The following MS4A10 variants were observed in gnomAD, a reference collection of about 807,000 sequenced individuals.
MS4A10 encodes membrane spanning 4-domains A10.
Under a neutral mutation model 27.7 loss-of-function variants are expected in MS4A10, and 27 were observed. That is an observed-to-expected ratio of 0.98 (90% CI 0.72 to 1.35). The LOEUF (loss-of-function observed/expected upper bound fraction) is 1.35, where lower values mean the gene tolerates loss of function less well. Among genes scored for constraint, MS4A10 ranks in the 40% most tolerant of loss-of-function variants. The pLI is 0.00. For missense variants in MS4A10, 338 were observed against 324.7 expected (o/e 1.04, Z -0.32); for synonymous variants, 139 against 131.2 (o/e 1.06, Z -0.41).
At chr11:60,791,349 A>G (rs1387243049) in intron 3 of MS4A10, among the ~76,000 whole-genome samples, 2 of 152,104 alleles carry the variant, frequency 1.3e-5, no homozygotes, top group East Asian at 3.9e-4. Flanking sequence ...CCATAATTGA[A>G]TATGTGCATT....
chr11:60,791,553 A>C (rs1274243146), intron 3 of MS4A10, among the ~76,000 whole-genome samples: 1 of 151,994 alleles, frequency 6.6e-6, no homozygotes, highest in African/African-American at 2.4e-5. Context: ...GGACCAGTGC[A>C]TGCACCATTT....
At chr11:60,789,065 C>T (rs150574987) in intron 1 of MS4A10, among the ~76,000 whole-genome samples, 77 of 152,336 alleles carry the variant, frequency 5.1e-4, no homozygotes, top group Admixed American at 4.7e-3. Flanking sequence ...TCTACCCAAT[C>T]CAGGATATAG....
intron 3 of MS4A10, among the ~76,000 whole-genome samples, chr11:60,791,924 G>A (rs1042424005): frequency 1.3e-5 from 2 of 152,176 alleles, no homozygotes; most frequent in Non-Finnish European, 2.9e-5. Flanking sequence ...AGTCGGGGTG[G>A]AGGGGATAGT....
intron 1 of MS4A10, among the ~76,000 whole-genome samples, chr11:60,786,959 C>T (rs1051815209): frequency 2.0e-5 from 3 of 152,324 alleles, no homozygotes; most frequent in African/African-American, 7.2e-5. Context: ...GGACTTTGCA[C>T]GGAGCACCCA....
chr11:60,791,452 G>A lies in MS4A10; in HGVS notation c.303+359G>A, dbSNP rs114867949. On this transcript the variant is annotated intron_variant, in intron 3 of 7. Coordinates refer to ENST00000308287, the MANE Select transcript of MS4A10 (RefSeq NM_206893.4). ...GCTGCCTCTGGATCCAGCTACAGGT[G>A]CCCTGTTGGGGTTGAGCTACAAAAA... Among the ~76,000 whole-genome samples the A allele has an allele frequency of 6.2e-3, 937 of 152,352 alleles. 16 individuals are homozygous for A. The highest frequency in any genetic ancestry group is 0.021 in the African/African-American group (892 of 41,584).
rs184609398 is a variant in MS4A10, at chr11:60,791,219, C to T, written c.303+126C>T. ...TAATAGGAGTGCGGCAGAAGCGAGGCCCTTTCTCCAGTGTTCCTAGCTCTG... is the reference window on the plus strand; with the variant it reads ...TAATAGGAGTGCGGCAGAAGCGAGGTCCTTTCTCCAGTGTTCCTAGCTCTG... On this transcript the variant is annotated intron_variant, in intron 3 of 7. Transcript: ENST00000308287. The T allele has an allele frequency of 4.5e-5, 57 of 1,253,730 alleles. No individual in the cohort carries two copies. In the East Asian group the frequency reaches 1.1e-3, roughly 25 times the overall value. 77.7% of individuals were successfully genotyped at this position (1,253,730 alleles called of 1,614,324 possible).
intron 6 of MS4A10, among the ~76,000 whole-genome samples, chr11:60,797,208 C>T (rs1349317813): frequency 2.6e-5 from 4 of 152,160 alleles, no homozygotes; most frequent in Non-Finnish European, 5.9e-5. Flanking sequence ...AAAACTGGGG[C>T]CCCATACCTA....
In MS4A10 at chr11:60,799,819, T is replaced by C. The variant is rs1854601899; in HGVS notation, c.723-9T>C. The C allele has an allele frequency of 7.9e-7, 1 of 1,267,060 alleles. No homozygotes were observed. Among genetic ancestry groups the C allele is most frequent in the Non-Finnish European group, 1.1e-6 (1 of 871,840 alleles). 78.5% of individuals were successfully genotyped at this position (1,267,060 alleles called of 1,614,324 possible). A position where few individuals can be genotyped will look rare whatever the true frequency, so the allele number is the denominator to read the frequency against. Reference sequence around the variant, plus strand: ...CTGCTGTTGCTATTAATATCTCCATTTCATGCAGGCTCAGAGAAGTTAAGC... The same window carrying C: ...CTGCTGTTGCTATTAATATCTCCATCTCATGCAGGCTCAGAGAAGTTAAGC... On this transcript the variant is annotated splice_polypyrimidine_tract_variant and intron_variant, in intron 7 of 7. Transcript: ENST00000308287.
At chr11:60,795,720 A>G in intron 6 of MS4A10, 55 bp downstream of exon 6, 1 of 1,152,602 alleles carries the variant, frequency 8.7e-7, no homozygotes, top group South Asian at 1.8e-5. Flanking sequence ...ATGAGGCAGC[A>G]GAGAGCTCAG....
intron 6 of MS4A10, among the ~76,000 whole-genome samples, chr11:60,798,138 G>A (rs1414958475): frequency 1.3e-5 from 2 of 152,236 alleles, no homozygotes; most frequent in East Asian, 3.9e-4. Context: ...TGGTCACCAG[G>A]ACACTGGTAG....
At chr11:60,790,623 T>A in intron 2 of MS4A10, 105 bp downstream of exon 2, 2 of 1,237,684 alleles carry the variant, frequency 1.6e-6, no homozygotes, top group Non-Finnish European at 2.2e-6. Context: ...AGAGAAAGGC[T>A]CCAGCTTTCC....
chr11:60,792,138 G>A, intron 3 of MS4A10, 127 bp from the exon 4 acceptor site: 2 of 735,978 alleles, frequency 2.7e-6, no homozygotes, highest in East Asian at 2.5e-5. Context: ...TTTGCTGGAG[G>A]AATAGTATTC....
chr11:60,799,716 C>T, intron 7 of MS4A10, 112 bp from the exon 8 acceptor site: 2 of 678,246 alleles, frequency 2.9e-6, no homozygotes, highest in Non-Finnish European at 5.5e-6. Context: ...TGAATCTTTA[C>T]TGGGCCACTG....
chr11:60,786,849 A>T (rs1854348262), intron 1 of MS4A10, among the ~76,000 whole-genome samples: 1 of 152,150 alleles, frequency 6.6e-6, no homozygotes, highest in African/African-American at 2.4e-5. Context: ...CCTACCCCCT[A>T]GGGACAGGCA....
chr11:60,797,450 G>A (rs1301726476), intron 6 of MS4A10, among the ~76,000 whole-genome samples: 8 of 152,038 alleles, frequency 5.3e-5, no homozygotes, highest in Non-Finnish European at 8.8e-5. Context: ...CATCCCTTCC[G>A]GGGGCATCAA....
At position 60,790,425 on chromosome 11, in the gene MS4A10, A is replaced by T. The variant is rs766928970; in HGVS notation, c.90A>T (p.Thr30=). ...QVLSPVQPWQ[T]SAPQNTTQPK... is the part of the protein sequence containing the mutation. ...TCAGCCCAGTCCAGCCCTGGCAGACAAGTGCACCCCAGAACACGACCCAGC... is the reference window on the plus strand; with the variant it reads ...TCAGCCCAGTCCAGCCCTGGCAGACTAGTGCACCCCAGAACACGACCCAGC... Residue 30 remains threonine, a synonymous_variant, in exon 2 of 8, where the codon ACA becomes ACT. Transcript: ENST00000308287. 4 of 1,614,074 alleles carry T rather than the reference A, an allele frequency of 2.5e-6. No individual in the cohort carries two copies. The highest frequency in any genetic ancestry group is 3.4e-6 in the Non-Finnish European group (4 of 1,180,038).
intron 7 of MS4A10, among the ~76,000 whole-genome samples, chr11:60,798,967 C>G (rs1397935370): frequency 1.3e-5 from 2 of 152,218 alleles, no homozygotes; most frequent in Admixed American, 1.3e-4. Flanking sequence ...CTTCCCTTGC[C>G]TCAACCTACT....
In MS4A10 at chr11:60,798,449, G is replaced by T. The variant is rs778879291; in HGVS notation, c.657G>T (p.Pro219=). The T allele has an allele frequency of 6.2e-7, 1 of 1,614,124 alleles. No individual in the cohort carries two copies. The highest frequency in any genetic ancestry group is 1.1e-5 in the South Asian group (1 of 91,082). Reference sequence around the variant, plus strand: ...CACCATTGCATCTCAAAGGCCTGCCGGTGGAGCCCCCGCCATCCTACCAGA... The same window carrying T: ...CACCATTGCATCTCAAAGGCCTGCCTGTGGAGCCCCCGCCATCCTACCAGA... ...PNTPLHLKGL[P]VEPPPSYQSV... Residue 219 remains proline (P), a synonymous_variant, in exon 7 of 8, where the codon CCG becomes CCT. Transcript: ENST00000308287.
chr11:60,795,675 G>T lies in MS4A10; in HGVS notation c.603+10G>T. ...CTGCCCATCTGCAAAGGTAAGACAA[G>T]GGCTTGTCTTCCCAGGAAGACAAAA... is the stretch of plus-strand genomic sequence containing the variant. On this transcript the variant is annotated intron_variant, in intron 6 of 7. Coordinates refer to ENST00000308287, the MANE Select transcript of MS4A10 (RefSeq NM_206893.4). 1 of 1,535,900 alleles carries T rather than the reference G, an allele frequency of 6.5e-7. No homozygotes were observed.
Sources: gnomAD v4.1 joint callset for allele counts (sites outside exome capture counted in the v4.1 genomes callset) on GRCh38, gnomAD v4.1.1 for gene constraint, MANE v1.5 for transcripts, NCBI Gene and HGNC (gene_info 2026-07-23, HGNC 2026-07-21) for gene names.